Variants in KAT6A observed in about 807,000 individuals in gnomAD.
KAT6A encodes the protein lysine acetyltransferase 6A, also known as histone acetyltransferase KAT6A.
In KAT6A, 9 loss-of-function variants were observed where a neutral mutation model predicts 198.4. The observed-to-expected ratio is 0.05, with a 90% confidence interval of 0.03 to 0.08. KAT6A has a LOEUF of 0.08. Among genes scored for constraint, KAT6A ranks in the 10% least tolerant of loss-of-function variants. The pLI is 1.00. For synonymous variants in KAT6A, 890 were observed against 883.0 expected, an observed-to-expected ratio of 1.01 and a Z score of -0.14; for missense variants, 2,077 against 2,509.9, an observed-to-expected ratio of 0.83 and a Z score of 3.69.
chr8:41,931,469 A>T lies in KAT6A; in HGVS notation c.*736T>A, dbSNP rs1216341934. 1 of 206,472 alleles carries T rather than the reference A, an allele frequency of 4.8e-6. No homozygotes were observed. The highest frequency in any genetic ancestry group is 9.9e-6 in the Non-Finnish European group (1 of 100,900). The allele number at this position is 206,472 out of a possible 1,614,324, so 12.8% of individuals were successfully genotyped here. A position where few individuals can be genotyped will look rare whatever the true frequency, so the allele number is the denominator to read the frequency against. ...AGTGCTGAGTGGGAATATTTTAAAA[A>T]AGAAGAAAAAAATTATATTACACTT... On this transcript the variant is annotated 3_prime_UTR_variant, in exon 17 of 17. Transcript: ENST00000265713.
intron 2 of KAT6A, among the ~76,000 whole-genome samples, chr8:42,004,066 T>C (rs1825624457): frequency 6.6e-6 from 1 of 152,202 alleles, no homozygotes; most frequent in Non-Finnish European, 1.5e-5. Context: ...ATATCCTCAA[T>C]GTTACCTACA....
chr8:42,032,488 T>A (rs1827179557), intron 2 of KAT6A, among the ~76,000 whole-genome samples: 1 of 152,182 alleles, frequency 6.6e-6, no homozygotes. Flanking sequence ...TTGGCTAAAG[T>A]TATGAGAAAC....
chr8:41,988,684 AAAAC>A (rs1182825791), intron 2 of KAT6A, among the ~76,000 whole-genome samples: 1 of 152,258 alleles, frequency 6.6e-6, no homozygotes, highest in Non-Finnish European at 1.5e-5. Flanking sequence ...GAGTAGCAGA[AAAAC>A]AAAGTGAGTT....
At chr8:41,943,091 A>G in intron 13 of KAT6A, 91 bp from the exon 14 acceptor site, 1 of 1,512,376 alleles carries the variant, frequency 6.6e-7, no homozygotes, top group East Asian at 2.3e-5. Flanking sequence ...GAAGCATGTA[A>G]GATGATAGGT....
At chr8:42,033,085 G>A (rs925942922) in intron 2 of KAT6A, among the ~76,000 whole-genome samples, 1 of 151,836 alleles carries the variant, frequency 6.6e-6, no homozygotes, top group African/African-American at 2.4e-5. Context: ...ATGTTGGCCA[G>A]GGTGGTCTCG....
chr8:41,955,483 T>A, intron 8 of KAT6A, 72 bp from the exon 9 acceptor site: 1 of 963,032 alleles, frequency 1.0e-6, no homozygotes. Context: ...AAGTTCTGAA[T>A]CTAAATGTTG....
Position 41,932,305 on chromosome 8 carries a change from G to C in KAT6A, c.5915C>G (p.Pro1972Arg), listed in dbSNP as rs764710643. The change falls in exon 17 of 17, where the codon CCT becomes CGT. Residue 1972 changes from proline (P) to arginine (R), a missense_variant. Coordinates refer to ENST00000265713, the MANE Select transcript of KAT6A (RefSeq NM_006766.5). ...GCCTGTGTACATCATGTTCCCATGA[G>C]GGTTAGGCTGCATAGGCTGCTGGGT... is the stretch of plus-strand genomic sequence containing the variant. ...AYTQQPMQPN[P>R]HGNMMYTGPS... is the part of the protein sequence containing the mutation. The C allele has an allele frequency of 3.1e-6, 5 of 1,614,094 alleles. No individual in the cohort carries two copies. The highest frequency in any genetic ancestry group is 4.2e-6 in the Non-Finnish European group (5 of 1,180,048).
intron 2 of KAT6A, among the ~76,000 whole-genome samples, chr8:42,010,870 T>G (rs1051614328): frequency 2.6e-5 from 4 of 152,166 alleles, no homozygotes; most frequent in African/African-American, 9.7e-5. Context: ...GTCCCTTTTC[T>G]TCCTCTGGGG....
intron 11 of KAT6A, 121 bp from the exon 12 acceptor site, chr8:41,946,805 G>A (rs1052077073): frequency 2.5e-5 from 16 of 633,988 alleles, no homozygotes; most frequent in African/African-American, 1.3e-4. Context: ...GAATAGCAAC[G>A]TACATCAACA....
chr8:41,993,609 T>C (rs796582238), intron 2 of KAT6A, among the ~76,000 whole-genome samples: 5 of 152,326 alleles, frequency 3.3e-5, no homozygotes, highest in African/African-American at 1.2e-4. Flanking sequence ...TAAGTGATAA[T>C]TTCAGTTTGT....
At chr8:41,941,712 T>A (rs934090140) in intron 14 of KAT6A, among the ~76,000 whole-genome samples, 1 of 152,152 alleles carries the variant, frequency 6.6e-6, no homozygotes, top group African/African-American at 2.4e-5. Flanking sequence ...GAAAAAAATT[T>A]AAGTAATCTG....
chr8:42,020,561 C>CA (rs1304408432), intron 2 of KAT6A, among the ~76,000 whole-genome samples: 1 of 152,166 alleles, frequency 6.6e-6, no homozygotes, highest in Non-Finnish European at 1.5e-5. Context: ...AACCCCAGTA[C>CA]CTAGCATAGT....
Position 41,955,508 on chromosome 8 carries a change from C to A in KAT6A, c.1483-97G>T, listed in dbSNP as rs2150871480. 5.5e-6 allele frequency: 4 copies of A among 730,866 alleles called. No individual in the cohort carries two copies. In the South Asian group the frequency reaches 6.6e-5, roughly 12 times the overall value. 45.3% of individuals were successfully genotyped at this position (730,866 alleles called of 1,614,324 possible). ...TCTAAATGTTGTCTTCTCAGGACTC[C>A]AAAGGAGTAAAACAAAAACAAAAGC... On this transcript the variant is annotated intron_variant, in intron 8 of 16. Transcript: ENST00000265713.
At chr8:41,988,500 C>T (rs7009031) in intron 2 of KAT6A, among the ~76,000 whole-genome samples, 128 of 152,232 alleles carry the variant, frequency 8.4e-4, no homozygotes, top group African/African-American at 2.9e-3. Context: ...GAGATAATCA[C>T]TTGGAGAAAA....
intron 2 of KAT6A, 38 bp from the exon 3 acceptor site, chr8:41,987,601 T>TAAATAAAAGTA: frequency 8.8e-7 from 1 of 1,142,370 alleles, no homozygotes; most frequent in Non-Finnish European, 1.3e-6. Context: ...GTACTAATAC[T>TAAATAAAAGTA]TTTATTTAGT....
At chr8:41,961,751 CAA>C (rs913470847) in intron 8 of KAT6A, among the ~76,000 whole-genome samples, 30 of 46,518 alleles carry the variant, frequency 6.4e-4, no homozygotes, top group Admixed American at 1.1e-3. Context: ...GACTCCATCT[CAA>C]AAAAAAAAAA....
chr8:41,937,445 C>T lies in KAT6A; in HGVS notation c.3163G>A (p.Glu1055Lys), dbSNP rs1410394313. The change falls in exon 16 of 17, where the codon GAG becomes AAG. Residue 1055 changes from glutamate to lysine, a missense_variant. Physicochemically the swap from Glu to Lys is moderately conservative, Grantham distance 56. Around this residue, in one of 13 missense-constraint regions of KAT6A, gnomAD observed 375 missense variants for 383.0 expected, o/e 0.98. Coordinates refer to ENST00000265713, the MANE Select transcript of KAT6A (RefSeq NM_006766.5). ...GGTTCTAATCTTGGCATTGGCCTCT[C>T]GGAGTCAGAATCTTCAAAAGGTTCA... is the stretch of plus-strand genomic sequence containing the variant. ...LDEPFEDSDS[E>K]RPMPRLEPTF... 4 of 1,614,134 alleles carry T rather than the reference C, an allele frequency of 2.5e-6. No individual in the cohort carries two copies. Among genetic ancestry groups the T allele is most frequent in the East Asian group, 2.2e-5 (1 of 44,882 alleles).
chr8:42,029,270 T>C (rs537364730), intron 2 of KAT6A, among the ~76,000 whole-genome samples: 1 of 152,230 alleles, frequency 6.6e-6, no homozygotes, highest in African/African-American at 2.4e-5. Context: ...CCTTATGGAC[T>C]GAATCTATTT....
chr8:42,028,903 T>C (rs1040871578), intron 2 of KAT6A, among the ~76,000 whole-genome samples: 3 of 152,210 alleles, frequency 2.0e-5, no homozygotes, highest in African/African-American at 7.2e-5. Context: ...GTTTTATGTA[T>C]TTGCATGTTT....
Sources: gnomAD v4.1 joint callset for allele counts (sites outside exome capture counted in the v4.1 genomes callset) on GRCh38, gnomAD v4.1.1 for gene constraint, gnomAD v4.1.1 regional missense constraint, MANE v1.5 for transcripts, NCBI Gene and HGNC (gene_info 2026-07-23, HGNC 2026-07-21) for gene names.